Variants in TRMT9B observed in about 807,000 individuals in gnomAD.
TRMT9B encodes tRNA methyltransferase 9B (putative), also known as probable tRNA methyltransferase 9B.
A neutral mutation model predicts 11.5 loss-of-function variants in TRMT9B; 16 were observed. The ratio of observed to expected loss-of-function variants is 1.39; its 90% CI spans 0.94 to 2.11. TRMT9B has a LOEUF of 2.11. Among genes scored for constraint, TRMT9B ranks in the 30% most tolerant of loss-of-function variants. The pLI, the probability that TRMT9B is intolerant of heterozygous loss-of-function variation, is 0.00. For synonymous variants in TRMT9B, 274 were observed against 192.4 expected, an observed-to-expected ratio of 1.42 and a Z score of -3.51; for missense variants, 941 against 553.8, an observed-to-expected ratio of 1.70 and a Z score of -7.02.
At chr8:12,959,477 TTCCTC>T (rs56720994) in intron 1 of TRMT9B, among the ~76,000 whole-genome samples, 56,989 of 141,928 alleles carry the variant, frequency 0.4, 12,474 homozygotes, top group Middle Eastern at 0.56. Flanking sequence ...CATTTGTATT[TTCCTC>T]TCCTCTCCTC....
At chr8:12,983,430 G>A (rs1805735775) in intron 1 of TRMT9B, among the ~76,000 whole-genome samples, 1 of 152,194 alleles carries the variant, frequency 6.6e-6, no homozygotes, top group African/African-American at 2.4e-5. Flanking sequence ...AGCACTTTGG[G>A]TGGCTGAGGA....
chr8:12,974,044 A>G (rs554300706), intron 1 of TRMT9B, among the ~76,000 whole-genome samples: 124 of 152,218 alleles, frequency 8.1e-4, no homozygotes, highest in African/African-American at 2.8e-3. Flanking sequence ...AGTGGCAAGC[A>G]CTTGTAGTCC....
At chr8:12,955,561 A>G (rs2128858784) in intron 1 of TRMT9B, among the ~76,000 whole-genome samples, 1 of 152,192 alleles carries the variant, frequency 6.6e-6, no homozygotes, top group Non-Finnish European at 1.5e-5. Flanking sequence ...CAGCCTATGA[A>G]CTTCTTGTTC....
intron 1 of TRMT9B, among the ~76,000 whole-genome samples, chr8:12,968,651 T>A (rs1196006743): frequency 1.3e-5 from 2 of 151,628 alleles, no homozygotes; most frequent in Non-Finnish European, 2.9e-5. Flanking sequence ...CTGGGAGGAG[T>A]CAGTCCTCAG....
At chr8:13,004,605 C>G (rs559684298) in intron 2 of TRMT9B, among the ~76,000 whole-genome samples, 1 of 152,006 alleles carries the variant, frequency 6.6e-6, no homozygotes, top group Admixed American at 6.6e-5. Context: ...GGACCTAGTC[C>G]TGTCAGGACC....
intron 2 of TRMT9B, among the ~76,000 whole-genome samples, chr8:13,002,170 T>C (rs867668147): frequency 2.6e-5 from 4 of 152,154 alleles, no homozygotes; most frequent in Admixed American, 6.5e-5. Context: ...GGGAAGATCT[T>C]GGGGGTGCTG....
Position 13,024,793 on chromosome 8 carries a change from A to C in TRMT9B, c.*2749A>C, listed in dbSNP as rs1814493116. 1 of 167,006 alleles carries C rather than the reference A, an allele frequency of 6.0e-6. No homozygotes were observed. 10.3% of individuals were successfully genotyped at this position (167,006 alleles called of 1,614,324 possible). ...TACTCTTCATCTAATGAACATAAGA[A>C]TCTATGCATCCAGATATTATTTTGT... On this transcript the variant is annotated 3_prime_UTR_variant, in exon 5 of 5. Transcript: ENST00000524591.
chr8:13,020,630 CT>C (rs1563452248), intron 4 of TRMT9B, among the ~76,000 whole-genome samples: 1 of 152,034 alleles, frequency 6.6e-6, no homozygotes, highest in African/African-American at 2.4e-5. Flanking sequence ...TTTAATATCT[CT>C]TTCAAATTTT....
At chr8:12,952,220 A>C in intron 1 of TRMT9B, 1 of 449,438 alleles carries the variant, frequency 2.2e-6, no homozygotes, top group Non-Finnish European at 4.5e-6. Context: ...AGCACTGACA[A>C]TGGTCTGCAT....
At chr8:12,996,463 G>C (rs1252909523) in intron 2 of TRMT9B, among the ~76,000 whole-genome samples, 2 of 152,138 alleles carry the variant, frequency 1.3e-5, no homozygotes, top group African/African-American at 4.8e-5. Flanking sequence ...AACTCTCTCA[G>C]CACTTTCTGT....
chr8:12,953,648 A>C (rs1800929847), intron 1 of TRMT9B, among the ~76,000 whole-genome samples: 1 of 152,188 alleles, frequency 6.6e-6, no homozygotes, highest in Non-Finnish European at 1.5e-5. Flanking sequence ...ACTTGTTTGA[A>C]GTTTGGGGAA....
At chr8:13,003,718 G>T (rs73204370) in intron 2 of TRMT9B, among the ~76,000 whole-genome samples, 3,770 of 151,642 alleles carry the variant, frequency 0.025, 56 homozygotes, top group Non-Finnish European at 0.031. Context: ...AAGAACTGAG[G>T]GGGATAGTGT....
Position 13,027,056 on chromosome 8 carries a change from C to T in TRMT9B, c.*5012C>T, listed in dbSNP as rs978756044. ...ACTTTTCTCCAACTCTTCAACCTTTCAACAATTATATTATTGTTTTCCCAT... is the reference window on the plus strand; with the variant it reads ...ACTTTTCTCCAACTCTTCAACCTTTTAACAATTATATTATTGTTTTCCCAT... On this transcript the variant is annotated 3_prime_UTR_variant, in exon 5 of 5. Transcript: ENST00000524591. The T allele has an allele frequency of 1.8e-5, 3 of 167,036 alleles. No homozygotes were observed. Among genetic ancestry groups the T allele is most frequent in the African/African-American group, 7.2e-5 (3 of 41,440 alleles). The allele number at this position is 167,036 out of a possible 1,614,324, so 10.3% of individuals were successfully genotyped here.
intron 3 of TRMT9B, chr8:13,006,673 T>A (rs751780013): frequency 1.9e-5 from 26 of 1,343,120 alleles, no homozygotes; most frequent in Non-Finnish European, 2.5e-5. Context: ...TTTTATTTTA[T>A]TTTTATTCTT....
chr8:12,953,601 C>T (rs148710397), intron 1 of TRMT9B, among the ~76,000 whole-genome samples: 12 of 152,284 alleles, frequency 7.9e-5, no homozygotes, highest in African/African-American at 2.6e-4. Flanking sequence ...GATCCACCCA[C>T]CTTGGAAGCC....
chr8:13,004,921 A>T (rs1205259968), intron 2 of TRMT9B, among the ~76,000 whole-genome samples: 1 of 151,946 alleles, frequency 6.6e-6, no homozygotes, highest in African/African-American at 2.4e-5. Context: ...GCCACAGTAC[A>T]CTAGAACACC....
intron 1 of TRMT9B, chr8:12,952,065 C>G (rs1351720465): frequency 2.9e-6 from 1 of 348,484 alleles, no homozygotes; most frequent in Non-Finnish European, 5.9e-6. Flanking sequence ...TAAAATAGGT[C>G]AAGGGGTGGA....
chr8:12,962,466 C>T (rs1417365807), intron 1 of TRMT9B, among the ~76,000 whole-genome samples: 2 of 151,808 alleles, frequency 1.3e-5, no homozygotes, highest in African/African-American at 2.4e-5. Context: ...ATGATGTGTT[C>T]TGGCTTAAAT....
chr8:13,013,742 G>A (rs922809630), intron 4 of TRMT9B, among the ~76,000 whole-genome samples: 3 of 152,162 alleles, frequency 2.0e-5, no homozygotes, highest in Non-Finnish European at 4.4e-5. Context: ...CAGGAGGTCA[G>A]GAGATCGAGA....
Sources: gnomAD v4.1 joint callset for allele counts (sites outside exome capture counted in the v4.1 genomes callset) on GRCh38, gnomAD v4.1.1 for gene constraint, MANE v1.5 for transcripts, NCBI Gene and HGNC (gene_info 2026-07-23, HGNC 2026-07-21) for gene names.